The following SLMAP variants were observed in gnomAD, a reference collection of about 807,000 sequenced individuals.
SLMAP encodes sarcolemmal membrane-associated protein.
In SLMAP, 44 loss-of-function variants were observed where a neutral mutation model predicts 128.8. The ratio of observed to expected loss-of-function variants is 0.34; its 90% CI spans 0.27 to 0.44. SLMAP has a LOEUF of 0.44. Among genes scored for constraint, SLMAP ranks in the 20% least tolerant of loss-of-function variants. The pLI, the probability that SLMAP is intolerant of heterozygous loss-of-function variation, is 1.00. For synonymous variants in SLMAP, 327 were observed against 348.8 expected (o/e 0.94, Z 0.70); for missense variants, 787 against 985.3 (o/e 0.80, Z 2.69).
At chr3:57,843,394 C>T (rs920561820) in intron 4 of SLMAP, among the ~76,000 whole-genome samples, 1 of 148,094 alleles carries the variant, frequency 6.8e-6, no homozygotes, top group Admixed American at 6.8e-5. Flanking sequence ...GCAACTCCAC[C>T]TCCCGGGTTC....
chr3:57,766,816 T>A (rs547081570), intron 2 of SLMAP, among the ~76,000 whole-genome samples: 1 of 152,302 alleles, frequency 6.6e-6, no homozygotes, highest in South Asian at 2.1e-4. Context: ...AGTTCCAATG[T>A]GAAACCTTCC....
intron 17 of SLMAP, among the ~76,000 whole-genome samples, chr3:57,907,347 G>A (rs1026367438): frequency 2.6e-5 from 4 of 152,354 alleles, no homozygotes; most frequent in Non-Finnish European, 4.4e-5. Context: ...TTATATGTGC[G>A]TGTTGGGGAA....
At chr3:57,869,879 A>G (rs1412869424) in intron 13 of SLMAP, among the ~76,000 whole-genome samples, 2 of 151,402 alleles carry the variant, frequency 1.3e-5, no homozygotes, top group Non-Finnish European at 2.9e-5. Context: ...ACAGTAGCTA[A>G]TGGCTATAGT....
intron 6 of SLMAP, among the ~76,000 whole-genome samples, chr3:57,853,715 C>T (rs555100412): frequency 1.3e-5 from 2 of 151,130 alleles, no homozygotes; most frequent in African/African-American, 2.4e-5. Context: ...CTAAGGCGGG[C>T]GGATCACCTG....
chr3:57,926,004 G>A, intron 24 of SLMAP, 70 bp downstream of exon 24: 1 of 1,088,724 alleles, frequency 9.2e-7, no homozygotes. Context: ...TTGTAATATA[G>A]TGCATGGCAA....
chr3:57,868,961 ATG>A (rs1340745338), intron 13 of SLMAP, among the ~76,000 whole-genome samples: 3 of 136,992 alleles, frequency 2.2e-5, no homozygotes, highest in Non-Finnish European at 3.1e-5. Flanking sequence ...TATATAATAT[ATG>A]TGTGTATTAT....
intron 9 of SLMAP, among the ~76,000 whole-genome samples, chr3:57,861,610 C>A (rs1433019123): frequency 1.3e-5 from 2 of 152,114 alleles, no homozygotes; most frequent in South Asian, 4.1e-4. Flanking sequence ...ATTAAACTTG[C>A]TTTCAAGGAT....
intron 2 of SLMAP, among the ~76,000 whole-genome samples, chr3:57,775,060 CTT>C (rs530444970): frequency 3.4e-5 from 5 of 145,550 alleles, no homozygotes; most frequent in African/African-American, 7.5e-5. Context: ...TTATATTTTT[CTT>C]TTTTTTTTTT....
rs541944380 is a variant in SLMAP at position 57,781,041 on chromosome 3, C to T, written c.198+23192C>T. Reference sequence around the variant, plus strand: ...ATATATATACACACACATATATATGCGCATATATATAAAATAATAAGATAC... The same window carrying T: ...ATATATATACACACACATATATATGTGCATATATATAAAATAATAAGATAC... On this transcript the variant is annotated intron_variant, in intron 2 of 24. Transcript: ENST00000671191. Among the ~76,000 whole-genome samples, 18 of 150,702 alleles carry T rather than the reference C, an allele frequency of 1.2e-4. 1 individual carries two copies. The highest frequency in any genetic ancestry group is 6.9e-3 in the Middle Eastern group (2 of 288).
At chr3:57,909,597 T>C (rs960795447) in intron 19 of SLMAP, among the ~76,000 whole-genome samples, 3 of 152,038 alleles carry the variant, frequency 2.0e-5, no homozygotes, top group Admixed American at 1.3e-4. Context: ...TCAACACGGC[T>C]CTTGGTGGAG....
chr3:57,790,655 A>G (rs1026520956), intron 2 of SLMAP, among the ~76,000 whole-genome samples: 1 of 152,178 alleles, frequency 6.6e-6, no homozygotes, highest in East Asian at 1.9e-4. Context: ...TGTACTTTCA[A>G]CATTAAGTAA....
intron 2 of SLMAP, among the ~76,000 whole-genome samples, chr3:57,768,830 C>G (rs2080242365): frequency 6.6e-6 from 1 of 152,092 alleles, no homozygotes; most frequent in Non-Finnish European, 1.5e-5. Flanking sequence ...AGACTGAGGT[C>G]CCCCTGAAGT....
At chr3:57,826,006 A>G (rs1310672839) in intron 2 of SLMAP, among the ~76,000 whole-genome samples, 2 of 151,860 alleles carry the variant, frequency 1.3e-5, no homozygotes, top group Admixed American at 6.6e-5. Context: ...GGAGCTGCCT[A>G]CTCTGGCATT....
chr3:57,833,422 A>T (rs1346023331), intron 3 of SLMAP, among the ~76,000 whole-genome samples: 6 of 144,358 alleles, frequency 4.2e-5, no homozygotes, highest in African/African-American at 1.6e-4. Flanking sequence ...TATTTTAGTA[A>T]CATTAGTTTT....
chr3:57,893,724 T>A lies in SLMAP; in HGVS notation c.1361-2787T>A, dbSNP rs78201009. 6.8e-3 allele frequency among the ~76,000 whole-genome samples: 1,032 copies of A among 152,354 alleles called. 11 individuals are homozygous for A. Among genetic ancestry groups the A allele is most frequent in the Non-Finnish European group, 7.7e-3 (521 of 68,040 alleles). On this transcript the variant is annotated intron_variant, in intron 15 of 24. Transcript: ENST00000671191. The stretch of plus-strand genomic sequence containing the variant: ...CAGAGTGGTTCCTTTTGTAACCATA[T>A]ATGGAGATTAGATGTATTAGCCTCT...
At chr3:57,916,809 C>T (rs2096823219) in intron 21 of SLMAP, 97 bp from the exon 22 acceptor site, 5 of 881,280 alleles carry the variant, frequency 5.7e-6, no homozygotes, top group African/African-American at 1.7e-5. Flanking sequence ...CTCTGAAATC[C>T]ACTCTATCCC....
At chr3:57,883,128 A>G (rs2095791245) in intron 14 of SLMAP, among the ~76,000 whole-genome samples, 1 of 152,222 alleles carries the variant, frequency 6.6e-6, no homozygotes, top group Non-Finnish European at 1.5e-5. Flanking sequence ...AATTCATAGT[A>G]AGTTGGGCAA....
chr3:57,796,555 G>A (rs1321441250), intron 2 of SLMAP, among the ~76,000 whole-genome samples: 1 of 152,136 alleles, frequency 6.6e-6, no homozygotes. Context: ...TAGAATATCT[G>A]CAAAGCACTT....
At chr3:57,845,641 C>G (rs1001545994) in intron 4 of SLMAP, among the ~76,000 whole-genome samples, 4 of 151,952 alleles carry the variant, frequency 2.6e-5, no homozygotes, top group African/African-American at 9.7e-5. Flanking sequence ...GTTTTGAGTC[C>G]CCTGTACTCA....
Sources: gnomAD v4.1 joint callset for allele counts (sites outside exome capture counted in the v4.1 genomes callset) on GRCh38, gnomAD v4.1.1 for gene constraint, MANE v1.5 for transcripts, NCBI Gene and HGNC (gene_info 2026-07-23, HGNC 2026-07-21) for gene names.